Variants in GPC5 observed in about 807,000 individuals in gnomAD.
The protein encoded by GPC5 is glypican-5.
A neutral mutation model predicts 53.9 loss-of-function variants in GPC5; 47 were observed. The ratio of observed to expected loss-of-function variants is 0.87; its 90% CI spans 0.69 to 1.11. The LOEUF (loss-of-function observed/expected upper bound fraction) is 1.11. GPC5 is among the 50% of genes most tolerant of loss of function. The pLI is 0.00. For synonymous variants in GPC5, 286 were observed against 263.3 expected (o/e 1.09, Z -0.84); for missense variants, 748 against 713.1 (o/e 1.05, Z -0.56).
intron 7 of GPC5, among the ~76,000 whole-genome samples, chr13:92,258,815 C>T (rs1466501036): frequency 6.6e-6 from 1 of 152,118 alleles, no homozygotes; most frequent in East Asian, 1.9e-4. Flanking sequence ...CATGGAAATG[C>T]ACCTGTAGTC....
At chr13:91,725,831 T>C (rs1240954847) in intron 3 of GPC5, among the ~76,000 whole-genome samples, 1 of 152,202 alleles carries the variant, frequency 6.6e-6, no homozygotes, top group Admixed American at 6.5e-5. Flanking sequence ...TTTTATTTTC[T>C]TGAGTTTCAA....
intron 6 of GPC5, among the ~76,000 whole-genome samples, chr13:92,053,653 A>C (rs906453800): frequency 6.6e-6 from 1 of 152,072 alleles, no homozygotes; most frequent in African/African-American, 2.4e-5. Flanking sequence ...AATATGTACA[A>C]AATACATTGC....
intron 2 of GPC5, among the ~76,000 whole-genome samples, chr13:91,614,061 G>A (rs958364368): frequency 2.0e-5 from 3 of 152,194 alleles, no homozygotes; most frequent in Non-Finnish European, 4.4e-5. Context: ...AATAAGAGCT[G>A]AAAGAGATAT....
chr13:91,959,582 A>G (rs1273517163), intron 6 of GPC5, among the ~76,000 whole-genome samples: 2 of 152,038 alleles, frequency 1.3e-5, no homozygotes, highest in Non-Finnish European at 2.9e-5. Context: ...CCAGCTTAGG[A>G]CACAACAAAA....
chr13:91,929,890 C>CAT (rs2039805513), intron 6 of GPC5, among the ~76,000 whole-genome samples: 1 of 151,890 alleles, frequency 6.6e-6, no homozygotes, highest in African/African-American at 2.4e-5. Context: ...AAATTTTTCA[C>CAT]GGTTTTCCAA....
intron 1 of GPC5, among the ~76,000 whole-genome samples, chr13:91,444,314 G>GT (rs1880635922): frequency 6.6e-6 from 1 of 152,036 alleles, no homozygotes; most frequent in South Asian, 2.1e-4. Flanking sequence ...CTTTCAGCTT[G>GT]TTTTGAAATA....
intron 7 of GPC5, among the ~76,000 whole-genome samples, chr13:92,533,531 A>G (rs1332731079): frequency 1.3e-5 from 2 of 152,132 alleles, no homozygotes; most frequent in Non-Finnish European, 2.9e-5. Context: ...GATATTAAAT[A>G]TAAGCATGTT....
chr13:91,967,121 G>T (rs1344680142), intron 6 of GPC5, among the ~76,000 whole-genome samples: 3 of 152,150 alleles, frequency 2.0e-5, no homozygotes, highest in Non-Finnish European at 4.4e-5. Flanking sequence ...GGTGAAAGCC[G>T]TGTCTTACAT....
chr13:92,447,273 G>T (rs1376791792), intron 7 of GPC5: 3 of 152,074 alleles, frequency 2.0e-5, no homozygotes, highest in Non-Finnish European at 4.4e-5. Flanking sequence ...TGAGGTCTTA[G>T]ATTTAAGTCT....
At chr13:92,471,605 A>G (rs1878913641) in intron 7 of GPC5, among the ~76,000 whole-genome samples, 1 of 152,122 alleles carries the variant, frequency 6.6e-6, no homozygotes, top group African/African-American at 2.4e-5. Context: ...ATAAATATGC[A>G]TATATTATAT....
intron 7 of GPC5, among the ~76,000 whole-genome samples, chr13:92,301,211 T>A (rs542541002): frequency 1.3e-5 from 2 of 152,210 alleles, no homozygotes; most frequent in Non-Finnish European, 2.9e-5. Context: ...TCCTAACTTA[T>A]AATGTTTTCA....
At chr13:92,602,923 T>C (rs543953905) in intron 7 of GPC5, among the ~76,000 whole-genome samples, 2 of 152,182 alleles carry the variant, frequency 1.3e-5, no homozygotes, top group South Asian at 4.1e-4. Flanking sequence ...CTGAAGGACA[T>C]AGGTGCAAGT....
chr13:92,362,675 C>T (rs2043577901), intron 7 of GPC5, among the ~76,000 whole-genome samples: 1 of 151,718 alleles, frequency 6.6e-6, no homozygotes, highest in South Asian at 2.1e-4. Context: ...TGGTTTCTCC[C>T]ATTGCCAGGA....
chr13:91,558,970 G>C (rs538778298), intron 2 of GPC5, among the ~76,000 whole-genome samples: 2 of 151,960 alleles, frequency 1.3e-5, no homozygotes, highest in South Asian at 2.1e-4. Context: ...TTAATTTCTT[G>C]TTCATAATTC....
At chr13:92,470,079 G>C (rs1878850409) in intron 7 of GPC5, among the ~76,000 whole-genome samples, 1 of 152,042 alleles carries the variant, frequency 6.6e-6, no homozygotes, top group South Asian at 2.1e-4. Context: ...ATTTTTAAAA[G>C]GTAATTTTCC....
At chr13:92,300,390 A>AT (rs2043067335) in intron 7 of GPC5, among the ~76,000 whole-genome samples, 1 of 152,150 alleles carries the variant, frequency 6.6e-6, no homozygotes, top group Admixed American at 6.5e-5. Context: ...TAAAGCATAG[A>AT]TTTTAGGCTC....
intron 6 of GPC5, among the ~76,000 whole-genome samples, chr13:91,986,278 C>T (rs904841202): frequency 3.3e-5 from 5 of 151,776 alleles, no homozygotes; most frequent in African/African-American, 9.7e-5. Flanking sequence ...TGTTAGCCAG[C>T]ATGGTCTCAG....
At chr13:92,043,814 T>C (rs2040960425) in intron 6 of GPC5, among the ~76,000 whole-genome samples, 2 of 152,144 alleles carry the variant, frequency 1.3e-5, no homozygotes. Context: ...TAGGAGTGAA[T>C]CAGGAACCAA....
chr13:92,404,177 T>A (rs1875688758), intron 7 of GPC5, among the ~76,000 whole-genome samples: 2 of 152,242 alleles, frequency 1.3e-5, no homozygotes, highest in African/African-American at 4.8e-5. Flanking sequence ...GAATAGCTAA[T>A]CTTTCCCCCT....
Sources: gnomAD v4.1 joint callset for allele counts (sites outside exome capture counted in the v4.1 genomes callset) on GRCh38, gnomAD v4.1.1 for gene constraint, MANE v1.5 for transcripts, NCBI Gene and HGNC (gene_info 2026-07-23, HGNC 2026-07-21) for gene names.